HEYL: variants seen among roughly 807,000 people sequenced by gnomAD.
The protein encoded by HEYL is hairy/enhancer-of-split related with YRPW motif-like protein.
HEYL carries 12 observed loss-of-function variants against 18.6 expected under a neutral mutation model. That is an observed-to-expected ratio of 0.65 (90% CI 0.41 to 1.05). The LOEUF (loss-of-function observed/expected upper bound fraction) is 1.05. Ranked by LOEUF, HEYL falls within the 50% of genes least tolerant of loss-of-function variation. The probability of loss-of-function intolerance (pLI) is 0.00; values close to 1 mark genes in which losing one functional copy is unlikely to be tolerated. For synonymous variants in HEYL, 159 were observed against 179.6 expected (o/e 0.89, Z 0.91); for missense variants, 420 against 444.7 (o/e 0.94, Z 0.50).
In HEYL at chr1:39,625,479, A is replaced by AT. The variant is rs1646291238; in HGVS notation, c.*1027dup. ...CTTTCTCTTGCCCCTCCTTGCAGTTATTTTTGTCCAGCCTGACAGTCCTTG... is the reference window on the plus strand; with the variant it reads ...CTTTCTCTTGCCCCTCCTTGCAGTTATTTTTTGTCCAGCCTGACAGTCCTTG... On this transcript the variant is annotated 3_prime_UTR_variant, in exon 5 of 5. Coordinates refer to ENST00000372852, the MANE Select transcript of HEYL (RefSeq NM_014571.4). The AT allele has an allele frequency of 6.6e-6, 1 of 152,182 alleles. No individual in the cohort carries two copies. Among genetic ancestry groups the AT allele is most frequent in the Non-Finnish European group, 1.5e-5 (1 of 68,058 alleles). The allele number at this position is 152,182 out of a possible 1,614,324, so 9.4% of individuals were successfully genotyped here. A position where few individuals can be genotyped will look rare whatever the true frequency, so the allele number is the denominator to read the frequency against.
intron 1 of HEYL, among the ~76,000 whole-genome samples, chr1:39,636,264 T>C (rs1284866466): frequency 1.3e-5 from 2 of 151,880 alleles, no homozygotes; most frequent in African/African-American, 4.8e-5. Flanking sequence ...GTAGCTTTTT[T>C]TTTTTTTTCT....
intron 4 of HEYL, 151 bp from the exon 5 acceptor site, chr1:39,627,331 T>C (rs1187278283): frequency 6.0e-6 from 4 of 671,406 alleles, no homozygotes; most frequent in African/African-American, 3.6e-5. Context: ...TGTCTCCCCA[T>C]CTGCAAAGTG....
chr1:39,635,431 C>A (rs559266450), intron 1 of HEYL, among the ~76,000 whole-genome samples: 16 of 152,250 alleles, frequency 1.1e-4, no homozygotes, highest in East Asian at 1.9e-4. Context: ...TCCGCTGGGA[C>A]CATCTGTTGG....
rs1015499817 is a variant in HEYL at position 39,631,575 on chromosome 1, A to T, written c.152T>A (p.Ile51Lys). 1 of 1,614,088 alleles carries T rather than the reference A, an allele frequency of 6.2e-7. No homozygotes were observed. The highest frequency in any genetic ancestry group is 8.5e-7 in the Non-Finnish European group (1 of 1,179,894). ...MQARKKHRGIIEKRRRDRINS... is the reference protein window; with the variant it reads ...MQARKKHRGIKEKRRRDRINS... Reference sequence around the variant, plus strand: ...GATGCGGTCTCGACGCCGTTTCTCTATGATCTAAACAATCATGACAAGAAG... The same window carrying T: ...GATGCGGTCTCGACGCCGTTTCTCTTTGATCTAAACAATCATGACAAGAAG... Residue 51 changes from isoleucine to lysine, a missense_variant, in exon 3 of 5, where the codon ATA (isoleucine) becomes AAA (lysine). Physicochemically the swap from Ile to Lys is moderately radical, Grantham distance 102. Coordinates refer to ENST00000372852, the MANE Select transcript of HEYL (RefSeq NM_014571.4).
intron 4 of HEYL, among the ~76,000 whole-genome samples, chr1:39,629,799 C>T (rs1299106761): frequency 6.6e-6 from 1 of 152,192 alleles, no homozygotes; most frequent in Non-Finnish European, 1.5e-5. Context: ...TATGTCACCC[C>T]AGTTCTGCCA....
intron 1 of HEYL, among the ~76,000 whole-genome samples, chr1:39,639,133 T>C (rs1015703196): frequency 1.3e-5 from 2 of 152,102 alleles, no homozygotes; most frequent in African/African-American, 4.8e-5. Flanking sequence ...TAGGGTAAAA[T>C]TGGGAAAGGA....
At chr1:39,637,025 C>T (rs10888900) in intron 1 of HEYL, among the ~76,000 whole-genome samples, 44,065 of 152,032 alleles carry the variant, frequency 0.29, 6,727 homozygotes, top group African/African-American at 0.31. Flanking sequence ...AACTGAGGTT[C>T]AGAAAGGGGT....
At chr1:39,637,863 C>A (rs1646368474) in intron 1 of HEYL, among the ~76,000 whole-genome samples, 1 of 152,210 alleles carries the variant, frequency 6.6e-6, no homozygotes, top group Non-Finnish European at 1.5e-5. Context: ...CAGTCTGTCT[C>A]CTTTCCATCC....
chr1:39,636,258 C>CTTTTTTTTTT (rs796907854), intron 1 of HEYL, among the ~76,000 whole-genome samples: 1 of 143,346 alleles, frequency 7.0e-6, no homozygotes, highest in African/African-American at 2.5e-5. Flanking sequence ...ACTCTAGTAG[C>CTTTTTTTTTT]TTTTTTTTTT....
At position 39,625,667 on chromosome 1, in the gene HEYL, G is replaced by C. The variant is rs759594991; in HGVS notation, c.*840C>G. On this transcript the variant is annotated 3_prime_UTR_variant, in exon 5 of 5. Coordinates refer to ENST00000372852, the MANE Select transcript of HEYL (RefSeq NM_014571.4). ...AGGGACCACACGCCTGGAGGATGGC[G>C]ACTGTAAGACGTGGGGGCTGGGCTC... The C allele has an allele frequency of 1.3e-5, 2 of 152,694 alleles. No homozygotes were observed. The highest frequency in any genetic ancestry group is 2.9e-5 in the Non-Finnish European group (2 of 68,400). 9.5% of individuals were successfully genotyped at this position (152,694 alleles called of 1,614,324 possible).
intron 1 of HEYL, among the ~76,000 whole-genome samples, chr1:39,635,281 G>A (rs1646356536): frequency 1.3e-5 from 2 of 152,344 alleles, no homozygotes; most frequent in South Asian, 4.1e-4. Flanking sequence ...TGTTTACAAA[G>A]CCTCACTGGT....
chr1:39,627,418 T>C (rs144570403), intron 4 of HEYL, among the ~76,000 whole-genome samples: 174 of 152,360 alleles, frequency 1.1e-3, no homozygotes, highest in African/African-American at 3.9e-3. Flanking sequence ...TGAAGCATTA[T>C]AAAATGTAAA....
In HEYL at chr1:39,639,619, G is replaced by T; in HGVS notation, c.7C>A (p.Arg3=). 6.4e-7 allele frequency: 1 copy of T among 1,560,360 alleles called. No homozygotes were observed. Among genetic ancestry groups the T allele is most frequent in the Non-Finnish European group, 8.6e-7 (1 of 1,159,478 alleles). The change falls in exon 1 of 5, where the codon CGA becomes AGA. Residue 3 remains arginine (R), a synonymous_variant. Coordinates refer to ENST00000372852, the MANE Select transcript of HEYL (RefSeq NM_014571.4). ...TCGGAGCCGCTCGGCTCCTTGGGTCGCTTCATGGCGAACGCAGGCTGCCTG... is the reference window on the plus strand; with the variant it reads ...TCGGAGCCGCTCGGCTCCTTGGGTCTCTTCATGGCGAACGCAGGCTGCCTG... MK[R]PKEPSGSDGE...
At position 39,626,398 on chromosome 1, in the gene HEYL, TCACA is replaced by T; in HGVS notation, c.*105_*108del. The T allele has an allele frequency of 9.8e-7, 1 of 1,018,318 alleles. No individual in the cohort carries two copies. Among genetic ancestry groups the T allele is most frequent in the Non-Finnish European group, 1.4e-6 (1 of 720,286 alleles). 63.1% of individuals were successfully genotyped at this position (1,018,318 alleles called of 1,614,324 possible). On this transcript the variant is annotated 3_prime_UTR_variant, in exon 5 of 5. Coordinates refer to ENST00000372852, the MANE Select transcript of HEYL (RefSeq NM_014571.4). ...CCTCTGATGGCTGGAGAACGTGCCT[TCACA>T]TATGAGCCAGTCCATGAAGCAAAGC...
intron 2 of HEYL, among the ~76,000 whole-genome samples, 195 bp downstream of exon 2, chr1:39,632,454 A>C (rs535932020): frequency 2.0e-5 from 3 of 152,250 alleles, no homozygotes; most frequent in Non-Finnish European, 4.4e-5. Flanking sequence ...AGTTACACAA[A>C]GGAGCAAATC....
In HEYL at chr1:39,630,220, T is replaced by C. The variant is rs1310440595; in HGVS notation, c.313+7A>G. ...GAATGACGCCTGAAAGAGAAGAGCA[T>C]GGGTACCTGTCCCACCAGTGGCATG... On this transcript the variant is annotated splice_region_variant and intron_variant, in intron 4 of 4. Coordinates refer to ENST00000372852, the MANE Select transcript of HEYL (RefSeq NM_014571.4). 3.1e-6 allele frequency: 5 copies of C among 1,612,080 alleles called. No homozygotes were observed. The highest frequency in any genetic ancestry group is 4.2e-6 in the Non-Finnish European group (5 of 1,178,132).
At position 39,626,604 on chromosome 1, in the gene HEYL, GT is replaced by G; in HGVS notation, c.889del (p.Thr297ProfsTer69). On this transcript the variant is annotated frameshift_variant, in exon 5 of 5. Transcript: ENST00000372852. LOFTEE classifies it high-confidence loss of function. ...TGGCCCTGGGGAGGATGAGTTGGGGGTGGGAACAGCCACGTAAGCAGCCGAC... is the reference window on the plus strand; with the variant it reads ...TGGCCCTGGGGAGGATGAGTTGGGGGGGGAACAGCCACGTAAGCAGCCGAC... ...TGSAAYVAVP[T>X]PNSSSPGPAG... The G allele has an allele frequency of 1.3e-6, 2 of 1,555,588 alleles. No individual in the cohort carries two copies. The highest frequency in any genetic ancestry group is 1.7e-6 in the Non-Finnish European group (2 of 1,151,094).
At position 39,623,499 on chromosome 1, in the gene HEYL, G is replaced by C. The variant is rs1039603740; in HGVS notation, c.*3008C>G. On this transcript the variant is annotated 3_prime_UTR_variant, in exon 5 of 5. Transcript: ENST00000372852. ...GACCAGGCCCTGTGCTCAATGCTGG[G>C]TACAGAGTGGAGACTGAACCAGGCA... Among the ~76,000 whole-genome samples the C allele has an allele frequency of 6.6e-6, 1 of 152,242 alleles. No individual in the cohort carries two copies. The highest frequency in any genetic ancestry group is 1.5e-5 in the Non-Finnish European group (1 of 68,046).
At chr1:39,634,879 T>C (rs1289980045) in intron 1 of HEYL, among the ~76,000 whole-genome samples, 3 of 152,224 alleles carry the variant, frequency 2.0e-5, no homozygotes, top group Non-Finnish European at 4.4e-5. Context: ...GAACTCATGG[T>C]AGAGCTTTCT....
Sources: gnomAD v4.1 joint callset for allele counts (sites outside exome capture counted in the v4.1 genomes callset) on GRCh38, gnomAD v4.1.1 for gene constraint, MANE v1.5 for transcripts, NCBI Gene and HGNC (gene_info 2026-07-23, HGNC 2026-07-21) for gene names.